The following SPATA6 variants were observed in gnomAD, a reference collection of about 807,000 sequenced individuals.
SPATA6 encodes spermatogenesis associated 6.
Under a neutral mutation model 65.3 loss-of-function variants are expected in SPATA6, and 56 were observed. The ratio of observed to expected loss-of-function variants is 0.86; its 90% confidence interval spans 0.69 to 1.07. The LOEUF (loss-of-function observed/expected upper bound fraction) is 1.07, where lower values mean the gene tolerates loss of function less well. SPATA6 is among the 50% of genes least tolerant of loss of function. SPATA6 has a pLI of 0.00. For missense variants in SPATA6, 590 were observed against 594.8 expected (o/e 0.99, Z 0.08); for synonymous variants, 199 against 213.2 (o/e 0.93, Z 0.58).
At chr1:48,445,693 C>T (rs1420325379) in intron 3 of SPATA6, among the ~76,000 whole-genome samples, 1 of 117,202 alleles carries the variant, frequency 8.5e-6, no homozygotes, top group East Asian at 2.7e-4. Context: ...AAAAAGCTAA[C>T]ACATGTACCA....
At chr1:48,441,286 T>C (rs1334139096) in intron 3 of SPATA6, among the ~76,000 whole-genome samples, 6 of 152,218 alleles carry the variant, frequency 3.9e-5, no homozygotes, top group African/African-American at 1.4e-4. Flanking sequence ...TGCTGGACAC[T>C]GGCACAGCTT....
chr1:48,332,176 G>A (rs1645934755), intron 11 of SPATA6, among the ~76,000 whole-genome samples: 1 of 152,142 alleles, frequency 6.6e-6, no homozygotes. Context: ...ACACAAACAA[G>A]TCTAGCATAA....
chr1:48,465,151 CT>C (rs1657722596), intron 1 of SPATA6, among the ~76,000 whole-genome samples: 1 of 152,050 alleles, frequency 6.6e-6, no homozygotes, highest in African/African-American at 2.4e-5. Flanking sequence ...CAAGAATACA[CT>C]TTTAAAGGAC....
the SPATA6 span, among the ~76,000 whole-genome samples, chr1:48,276,250 G>A: frequency 6.6e-6 from 1 of 152,060 alleles, no homozygotes; most frequent in Non-Finnish European, 1.5e-5. Context: ...AGTCTGGCCA[G>A]CCTTCTGTCT....
intron 8 of SPATA6, among the ~76,000 whole-genome samples, chr1:48,392,478 A>G (rs1477167434): frequency 6.6e-6 from 1 of 152,164 alleles, no homozygotes; most frequent in African/African-American, 2.4e-5. Flanking sequence ...CATGGCAGTA[A>G]CAGCTACAAT....
intron 9 of SPATA6, among the ~76,000 whole-genome samples, chr1:48,384,196 C>G (rs1288945172): frequency 6.8e-6 from 1 of 147,806 alleles, no homozygotes; most frequent in Non-Finnish European, 1.5e-5. Context: ...ACCAGTCAGG[C>G]GTGGCGGTGC....
intron 11 of SPATA6, among the ~76,000 whole-genome samples, chr1:48,332,696 G>A (rs1243656224): frequency 2.0e-5 from 3 of 152,084 alleles, no homozygotes; most frequent in African/African-American, 4.8e-5. Flanking sequence ...AGAGATGCAG[G>A]ACCTGAACTC....
chr1:48,419,586 A>G (rs543868356), intron 3 of SPATA6, among the ~76,000 whole-genome samples: 2 of 152,216 alleles, frequency 1.3e-5, no homozygotes, highest in Non-Finnish European at 2.9e-5. Flanking sequence ...TGTAAACAGA[A>G]TAACTTTAAA....
chr1:48,315,775 G>A (rs1645395388), intron 11 of SPATA6, among the ~76,000 whole-genome samples: 3 of 152,154 alleles, frequency 2.0e-5, no homozygotes, highest in Non-Finnish European at 2.9e-5. Flanking sequence ...TGACATGATT[G>A]TATATCTAGA....
rs113756394 is a variant in SPATA6 at position 48,445,585 on chromosome 1, A to G, written c.238+5967T>C. ...TGAGGCAGGAGAATGGCGTGAACCCAGGAGGCGGAGCTTGCAGTGAGCCGA... is the reference window on the plus strand; with the variant it reads ...TGAGGCAGGAGAATGGCGTGAACCCGGGAGGCGGAGCTTGCAGTGAGCCGA... On this transcript the variant is annotated intron_variant, in intron 3 of 12. Coordinates refer to ENST00000371847, the MANE Select transcript of SPATA6 (RefSeq NM_019073.4). Among the ~76,000 whole-genome samples the G allele has an allele frequency of 5.6e-3, 772 of 138,246 alleles. 9 individuals are homozygous for G. Among genetic ancestry groups the G allele is most frequent in the African/African-American group, 0.019 (702 of 36,724 alleles). 90.7% of individuals were successfully genotyped at this position (138,246 alleles called of 152,430 possible). A position where few individuals can be genotyped will look rare whatever the true frequency, so the allele number is the denominator to read the frequency against.
chr1:48,369,199 C>T (rs1647145809), intron 9 of SPATA6, among the ~76,000 whole-genome samples: 1 of 152,174 alleles, frequency 6.6e-6, no homozygotes, highest in Admixed American at 6.5e-5. Context: ...TCAGTCTGCC[C>T]CTACTGGGAG....
At chr1:48,360,393 G>A (rs530942563) in intron 9 of SPATA6, among the ~76,000 whole-genome samples, 1 of 152,210 alleles carries the variant, frequency 6.6e-6, no homozygotes, top group East Asian at 1.9e-4. Flanking sequence ...GAAAGATTAT[G>A]CAGGAAAGGA....
At chr1:48,397,057 A>T (rs972478144) in intron 7 of SPATA6, among the ~76,000 whole-genome samples, 3 of 151,694 alleles carry the variant, frequency 2.0e-5, no homozygotes, top group African/African-American at 7.2e-5. Flanking sequence ...GATATATGCA[A>T]CATGGATGAA....
At chr1:48,281,353 G>T in the SPATA6 span, among the ~76,000 whole-genome samples, 8 of 151,684 alleles carry the variant, frequency 5.3e-5, no homozygotes, top group Non-Finnish European at 1.2e-4. Flanking sequence ...GCAGGAGAAG[G>T]AAATAAAGGG....
chr1:48,283,195 A>C, the SPATA6 span, among the ~76,000 whole-genome samples: 1 of 46,186 alleles, frequency 2.2e-5, no homozygotes, highest in Admixed American at 3.6e-4. Context: ...GGGTGGGGGG[A>C]GGGGGGAGGG....
chr1:48,274,296 G>A, the SPATA6 span, among the ~76,000 whole-genome samples: 1 of 152,126 alleles, frequency 6.6e-6, no homozygotes, highest in Admixed American at 6.5e-5. Flanking sequence ...TAGGTTGCCT[G>A]TTCACTCTGA....
chr1:48,443,427 C>T (rs1655707683), intron 3 of SPATA6, among the ~76,000 whole-genome samples: 1 of 152,162 alleles, frequency 6.6e-6, no homozygotes. Context: ...GCTACAGGAA[C>T]CAGAAAAGCA....
intron 3 of SPATA6, among the ~76,000 whole-genome samples, chr1:48,449,958 G>T (rs989184963): frequency 6.6e-6 from 1 of 152,106 alleles, no homozygotes. Flanking sequence ...ATTGAAGCTG[G>T]GTGACAGATA....
At chr1:48,282,477 A>T in the SPATA6 span, among the ~76,000 whole-genome samples, 1 of 152,200 alleles carries the variant, frequency 6.6e-6, no homozygotes, top group Non-Finnish European at 1.5e-5. Flanking sequence ...ATGAACTCAA[A>T]CAAACTTACA....
Sources: allele counts gnomAD v4.1 joint callset (sites outside exome capture counted in the v4.1 genomes callset), GRCh38; gene constraint gnomAD v4.1.1; transcripts MANE v1.5; gene names NCBI Gene and HGNC (gene_info 2026-07-23, HGNC 2026-07-21).